The following S100A8 variants were observed in gnomAD, a reference collection of about 807,000 sequenced individuals.
The protein encoded by S100A8 is protein S100-A8.
S100A8 carries 1 observed loss-of-function variant against 4.2 expected under a neutral mutation model. The observed-to-expected ratio is 0.24, with a 90% CI of 0.08 to 1.12. The LOEUF (loss-of-function observed/expected upper bound fraction) is 1.12. S100A8 is among the 50% of genes most tolerant of loss of function. The probability of loss-of-function intolerance (pLI) is 0.53; values close to 1 mark genes in which losing one functional copy is unlikely to be tolerated. For synonymous variants in S100A8, 41 were observed against 44.7 expected, an observed-to-expected ratio of 0.92 and a Z score of 0.33; for missense variants, 96 against 111.8, an observed-to-expected ratio of 0.86 and a Z score of 0.64.
At chr1:153,413,945 G>C in the S100A8 span, among the ~76,000 whole-genome samples, 68 of 152,056 alleles carry the variant, frequency 4.5e-4, no homozygotes, top group Non-Finnish European at 2.6e-4. Context: ...TAAGACTATT[G>C]CATCTTGGTG....
chr1:153,415,133 C>T, the S100A8 span, among the ~76,000 whole-genome samples: 3 of 151,444 alleles, frequency 2.0e-5, no homozygotes, highest in African/African-American at 7.3e-5. Context: ...GAGTAGTATT[C>T]GTCTGTGTGT....
upstream of S100A8, chr1:153,391,335 C>T (rs1449122681): frequency 2.3e-5 from 7 of 305,904 alleles, no homozygotes; most frequent in Non-Finnish European, 3.4e-5. Context: ...TGCTGGCATC[C>T]ACTTGCTTGA....
the S100A8 span, among the ~76,000 whole-genome samples, chr1:153,415,502 C>T: frequency 9.7e-4 from 147 of 152,284 alleles, no homozygotes; most frequent in African/African-American, 3.3e-3. Flanking sequence ...GCCCCAGGGA[C>T]TCCTGTGCCT....
chr1:153,414,409 A>C, the S100A8 span, among the ~76,000 whole-genome samples: 2 of 152,364 alleles, frequency 1.3e-5, no homozygotes, highest in South Asian at 2.1e-4. Flanking sequence ...TAAAACTCAG[A>C]GATAAGAACA....
At chr1:153,410,650 T>A in the S100A8 span, among the ~76,000 whole-genome samples, 3 of 152,140 alleles carry the variant, frequency 2.0e-5, no homozygotes, top group African/African-American at 7.2e-5. Flanking sequence ...ATCATCCTGA[T>A]ACCAAAGCCT....
chr1:153,418,350 CT>C, the S100A8 span: 1 of 1,240,488 alleles, frequency 8.1e-7, no homozygotes, highest in Non-Finnish European at 1.1e-6. Context: ...GCAAATAGGG[CT>C]TTATTGCTTG....
At chr1:153,415,328 T>C in the S100A8 span, among the ~76,000 whole-genome samples, 1 of 151,872 alleles carries the variant, frequency 6.6e-6, no homozygotes, top group African/African-American at 2.4e-5. Flanking sequence ...GTGGAGAAAA[T>C]AGGTCCCACC....
the S100A8 span, among the ~76,000 whole-genome samples, chr1:153,403,225 G>T: frequency 6.6e-6 from 1 of 152,358 alleles, no homozygotes; most frequent in African/African-American, 2.4e-5. Flanking sequence ...TAGCTCTTAT[G>T]TGTAGGGCTG....
At chr1:153,403,957 G>A in the S100A8 span, among the ~76,000 whole-genome samples, 177 of 152,180 alleles carry the variant, frequency 1.2e-3, 4 homozygotes, top group South Asian at 0.033. Flanking sequence ...GCACCTGACC[G>A]CCCATACTTC....
the S100A8 span, among the ~76,000 whole-genome samples, chr1:153,402,493 G>A: frequency 2.0e-5 from 3 of 152,176 alleles, no homozygotes; most frequent in Admixed American, 1.3e-4. Flanking sequence ...GGCTGACAGA[G>A]GGGCAGAAAG....
the S100A8 span, among the ~76,000 whole-genome samples, chr1:153,410,390 T>C: frequency 6.6e-6 from 1 of 152,132 alleles, no homozygotes; most frequent in East Asian, 1.9e-4. Flanking sequence ...AAGAAATGCA[T>C]AAATTCCTGG....
At chr1:153,392,105 G>C (rs1489534451), upstream of S100A8, among the ~76,000 whole-genome samples, 1 of 151,642 alleles carries the variant, frequency 6.6e-6, no homozygotes, top group African/African-American at 2.4e-5. Flanking sequence ...ATCTGATAAG[G>C]GATTAATATC....
the S100A8 span, chr1:153,418,295 C>G: frequency 6.3e-7 from 1 of 1,589,768 alleles, no homozygotes; most frequent in African/African-American, 1.3e-5. Flanking sequence ...GCTATGTGGC[C>G]TTGGACAGGT....
chr1:153,415,157 C>A, the S100A8 span, among the ~76,000 whole-genome samples: 1 of 150,508 alleles, frequency 6.6e-6, no homozygotes, highest in African/African-American at 2.5e-5. Context: ...TGTATGTGTG[C>A]GTTTGTGTGT....
chr1:153,404,020 T>C, the S100A8 span, among the ~76,000 whole-genome samples: 1 of 152,178 alleles, frequency 6.6e-6, no homozygotes, highest in East Asian at 1.9e-4. Flanking sequence ...TCAGGTTAGA[T>C]AATCTGCTAC....
At chr1:153,409,464 C>G in the S100A8 span, among the ~76,000 whole-genome samples, 1 of 152,104 alleles carries the variant, frequency 6.6e-6, no homozygotes, top group Non-Finnish European at 1.5e-5. Context: ...ACAGGAACAC[C>G]CAGATTCATA....
At chr1:153,415,150 A>T in the S100A8 span, among the ~76,000 whole-genome samples, 1 of 150,888 alleles carries the variant, frequency 6.6e-6, no homozygotes, top group Non-Finnish European at 1.5e-5. Context: ...GTGTGTGTGT[A>T]TGTGTGCGTT....
the S100A8 span, among the ~76,000 whole-genome samples, chr1:153,413,511 G>T: frequency 6.6e-6 from 1 of 152,188 alleles, no homozygotes; most frequent in Non-Finnish European, 1.5e-5. Context: ...GGCAGACTCT[G>T]CCAGAAACTG....
chr1:153,391,689 A>T (rs1662102063), upstream of S100A8, among the ~76,000 whole-genome samples: 1 of 152,144 alleles, frequency 6.6e-6, no homozygotes, highest in East Asian at 1.9e-4. Flanking sequence ...CCTGCTGCCC[A>T]CACTCCTCCA....
Sources: gnomAD v4.1 joint callset for allele counts (sites outside exome capture counted in the v4.1 genomes callset) on GRCh38, gnomAD v4.1.1 for gene constraint, MANE v1.5 for transcripts, NCBI Gene and HGNC (gene_info 2026-07-23, HGNC 2026-07-21) for gene names.